TMC2: variants seen among roughly 807,000 people sequenced by gnomAD.
TMC2 encodes the protein transmembrane channel-like protein 2.
Under a neutral mutation model 105.9 loss-of-function variants are expected in TMC2, and 102 were observed. The observed-to-expected ratio is 0.96, with a 90% CI of 0.82 to 1.14. The LOEUF (loss-of-function observed/expected upper bound fraction) is 1.14, where lower values mean the gene tolerates loss of function less well. Ranked by LOEUF, TMC2 falls within the 50% of genes most tolerant of loss-of-function variation. TMC2 has a pLI of 0.00. For missense variants in TMC2, 1,093 were observed against 1,134.3 expected (o/e 0.96, Z 0.52); for synonymous variants, 402 against 422.8 (o/e 0.95, Z 0.60).
chr20:2,637,657 AAC>A, intron 19 of TMC2, 66 bp downstream of exon 19: 1 of 1,117,268 alleles, frequency 9.0e-7, no homozygotes, highest in Non-Finnish European at 1.3e-6. Context: ...GAGCCTATGA[AAC>A]AGCGTGAAAT....
intron 2 of TMC2, among the ~76,000 whole-genome samples, chr20:2,545,801 G>A (rs927678450): frequency 7.5e-6 from 1 of 133,674 alleles, no homozygotes; most frequent in Non-Finnish European, 1.6e-5. Context: ...GATGAAGAAG[G>A]AAGAAGAAGA....
chr20:2,599,295 T>TAAA lies in TMC2; in HGVS notation c.1224+2015_1224+2017dup, dbSNP rs11473820. On this transcript the variant is annotated intron_variant, in intron 10 of 19. Transcript: ENST00000358864. ...AATGAATGAATGAATGGGATAATGT[T>TAAA]AAAAAAAAAAAAAAAAAAAAGATGA... 3.7e-3 allele frequency among the ~76,000 whole-genome samples: 473 copies of TAAA among 126,800 alleles called. 5 individuals carry two copies. The highest frequency in any genetic ancestry group is 0.012 in the South Asian group (47 of 3,918). The allele number at this position is 126,800 out of a possible 152,430, so 83.2% of individuals were successfully genotyped here. A position where few individuals can be genotyped will look rare whatever the true frequency, so the allele number is the denominator to read the frequency against.
chr20:2,624,749 C>T (rs2086552396), intron 17 of TMC2, among the ~76,000 whole-genome samples: 1 of 152,190 alleles, frequency 6.6e-6, no homozygotes, highest in African/African-American at 2.4e-5. Context: ...GGAAGGGAAG[C>T]TTCTGGTAAC....
intron 14 of TMC2, among the ~76,000 whole-genome samples, chr20:2,615,384 C>T (rs1431138112): frequency 1.3e-5 from 2 of 152,238 alleles, no homozygotes; most frequent in Non-Finnish European, 2.9e-5. Flanking sequence ...TTCTTCCATC[C>T]ATGCATGCTG....
chr20:2,550,184 CAA>C lies in TMC2; in HGVS notation c.83-8258_83-8257del, dbSNP rs35275453. On this transcript the variant is annotated intron_variant, in intron 2 of 19. Coordinates refer to ENST00000358864, the MANE Select transcript of TMC2 (RefSeq NM_080751.3). The stretch of plus-strand genomic sequence containing the variant: ...TGGGCAACAGAGCCAGACTCTGTCT[CAA>C]AAAAAAAAAAAAATTAGCTCCATGC... Among the ~76,000 whole-genome samples, 255 of 142,986 alleles carry C rather than the reference CAA, an allele frequency of 1.8e-3. 3 individuals are homozygous for C. Among genetic ancestry groups the C allele is most frequent in the African/African-American group, 2.8e-3 (110 of 38,814 alleles). The allele number at this position is 142,986 out of a possible 152,430, so 93.8% of individuals were successfully genotyped here.
intron 17 of TMC2, among the ~76,000 whole-genome samples, chr20:2,626,604 C>T (rs2086566299): frequency 6.6e-6 from 1 of 152,222 alleles, no homozygotes; most frequent in Admixed American, 6.5e-5. Flanking sequence ...AGACAGGAGT[C>T]ATAGTATTGT....
intron 2 of TMC2, among the ~76,000 whole-genome samples, chr20:2,550,557 C>T (rs2085950740): frequency 6.6e-6 from 1 of 152,122 alleles, no homozygotes; most frequent in Non-Finnish European, 1.5e-5. Context: ...TTGACAAATG[C>T]ATAATATATC....
rs2086109587 is a variant in TMC2 at position 2,572,275 on chromosome 20, TG to T, written c.645+10del. 6.2e-7 allele frequency: 1 copy of T among 1,609,102 alleles called. No individual in the cohort carries two copies. The highest frequency in any genetic ancestry group is 1.3e-5 in the African/African-American group (1 of 74,692). The stretch of plus-strand genomic sequence containing the variant: ...ACAAGATGCTGATGGCCAAGGTGTG[TG>T]GGGTGGGGGCAGTGAATCTGTTGGG... On this transcript the variant is annotated splice_region_variant and intron_variant, in intron 5 of 19. Coordinates refer to ENST00000358864, the MANE Select transcript of TMC2 (RefSeq NM_080751.3).
In TMC2 at chr20:2,558,414, A is replaced by G; in HGVS notation, c.83-42A>G. The G allele has an allele frequency of 6.5e-7, 1 of 1,548,888 alleles. No individual in the cohort carries two copies. The highest frequency in any genetic ancestry group is 1.2e-5 in the South Asian group (1 of 83,886). On this transcript the variant is annotated intron_variant, in intron 2 of 19. Coordinates refer to ENST00000358864, the MANE Select transcript of TMC2 (RefSeq NM_080751.3). The surrounding 1 kb of genome is among the most constrained non-coding windows in gnomAD (Gnocchi z 4.6). ...GGCCGGGGACATTTTCCTGGGCCTG[A>G]GGCCGTTGGAACCAGAACTGTCCAT... is the stretch of plus-strand genomic sequence containing the variant.
At position 2,599,689 on chromosome 20, in the gene TMC2, TC is replaced by T. The variant is rs2086337195; in HGVS notation, c.1224+2394del. Among the ~76,000 whole-genome samples, 7 of 151,964 alleles carry T rather than the reference TC, an allele frequency of 4.6e-5. No individual in the cohort carries two copies. In the South Asian group the frequency reaches 1.5e-3, roughly 32 times the overall value. On this transcript the variant is annotated intron_variant, in intron 10 of 19. Transcript: ENST00000358864. ...ATTCCTGGCCTCAAGCCATCCTCCCTCCCTGGCCTCCCAAAGCACTGGGATT... is the reference window on the plus strand; with the variant it reads ...ATTCCTGGCCTCAAGCCATCCTCCCTCCTGGCCTCCCAAAGCACTGGGATT...
In TMC2 at chr20:2,597,420, C is replaced by G; in HGVS notation, c.1224+122C>G. 3.9e-6 allele frequency: 4 copies of G among 1,016,954 alleles called. No individual in the cohort carries two copies. In the South Asian group the frequency reaches 6.6e-5, roughly 17 times the overall value. 63.0% of individuals were successfully genotyped at this position (1,016,954 alleles called of 1,614,324 possible). On this transcript the variant is annotated intron_variant, in intron 10 of 19. Coordinates refer to ENST00000358864, the MANE Select transcript of TMC2 (RefSeq NM_080751.3). ...CAAATAATTTGTGGCAAGAGCCTTC[C>G]CAGAAATGTGAGCCCAGTTTTCAAA...
chr20:2,643,307 G>A lies in TMC2; in HGVS notation c.*1956G>A, dbSNP rs1411975425. Among the ~76,000 whole-genome samples, 1 of 152,128 alleles carries A rather than the reference G, an allele frequency of 6.6e-6. No individual in the cohort carries two copies. The highest frequency in any genetic ancestry group is 2.4e-5 in the African/African-American group (1 of 41,424). On this transcript the variant is annotated 3_prime_UTR_variant, in exon 20 of 20. Transcript: ENST00000358864. The stretch of plus-strand genomic sequence containing the variant: ...ATCAGGACCAGAAGGCCCAAAGATG[G>A]CCACCACACCAACACCTGGCCTTCT...
At chr20:2,599,725 A>G (rs2086337449) in intron 10 of TMC2, among the ~76,000 whole-genome samples, 1 of 151,994 alleles carries the variant, frequency 6.6e-6, no homozygotes. Flanking sequence ...TACAGGTGTG[A>G]GCCACTGCAC....
intron 3 of TMC2, among the ~76,000 whole-genome samples, chr20:2,561,134 G>A (rs1359598039): frequency 6.6e-6 from 1 of 152,202 alleles, no homozygotes; most frequent in African/African-American, 2.4e-5. Flanking sequence ...TTGGACAGAT[G>A]TAGTTTTGAA....
At chr20:2,589,221 A>C (rs1321409413) in intron 7 of TMC2, among the ~76,000 whole-genome samples, 1 of 149,548 alleles carries the variant, frequency 6.7e-6, no homozygotes, top group Non-Finnish European at 1.5e-5. Context: ...AAATCTTCCC[A>C]GGCCTCAACT....
chr20:2,608,300 TTTATTATTA>T (rs61608674), intron 11 of TMC2, among the ~76,000 whole-genome samples: 242 of 134,596 alleles, frequency 1.8e-3, no homozygotes, highest in Middle Eastern at 3.7e-3. Context: ...CTTATTTTTA[TTTATTATTA>T]TTATTATTAT....
intron 2 of TMC2, among the ~76,000 whole-genome samples, chr20:2,545,507 A>G (rs1638954349): frequency 6.6e-6 from 1 of 152,162 alleles, no homozygotes; most frequent in Admixed American, 6.6e-5. Context: ...CTTATCCAGT[A>G]TCTGTCACTG....
chr20:2,616,051 A>T lies in TMC2; in HGVS notation c.1873-86A>T. 1 of 1,064,518 alleles carries T rather than the reference A, an allele frequency of 9.4e-7. No individual in the cohort carries two copies. The highest frequency in any genetic ancestry group is 1.4e-6 in the Non-Finnish European group (1 of 703,416). The allele number at this position is 1,064,518 out of a possible 1,614,324, so 65.9% of individuals were successfully genotyped here. ...GGGATGGAATGGCCTTGGCTTGGCC[A>T]GTTGGTTGGTAGTAGGGTTTGGCTG... On this transcript the variant is annotated intron_variant, in intron 14 of 19. Transcript: ENST00000358864. This position sits in a 1 kb window ranked among gnomAD's most constrained non-coding sequence, Gnocchi z 4.8.
At chr20:2,582,722 C>T (rs2086203081) in intron 7 of TMC2, among the ~76,000 whole-genome samples, 2 of 152,120 alleles carry the variant, frequency 1.3e-5, no homozygotes, top group South Asian at 2.1e-4. Context: ...GCGATCTGCT[C>T]GCCTCAGCCT....
Sources: allele counts gnomAD v4.1 joint callset (sites outside exome capture counted in the v4.1 genomes callset), GRCh38; gene constraint gnomAD v4.1.1; non-coding constraint Gnocchi (gnomAD v3.1); transcripts MANE v1.5; gene names NCBI Gene and HGNC (gene_info 2026-07-23, HGNC 2026-07-21).